GNG2: variants seen among roughly 807,000 people sequenced by gnomAD.
GNG2 encodes the protein guanine nucleotide-binding protein G(I)/G(S)/G(O) subunit gamma-2.
Under a neutral mutation model 5.5 loss-of-function variants are expected in GNG2, and 5 were observed. The ratio of observed to expected loss-of-function variants is 0.91; its 90% confidence interval spans 0.48 to 1.92. GNG2 has a LOEUF of 1.92. GNG2 is among the 30% of genes most tolerant of loss of function. The pLI, the probability that GNG2 is intolerant of heterozygous loss-of-function variation, is 0.01. For missense variants in GNG2, 55 were observed against 88.4 expected (o/e 0.62, Z 1.52); for synonymous variants, 28 against 32.0 (o/e 0.88, Z 0.42).
At chr14:51,830,196 C>T (rs1881143861) in intron 2 of GNG2, among the ~76,000 whole-genome samples, 1 of 152,222 alleles carries the variant, frequency 6.6e-6, no homozygotes, top group Admixed American at 6.5e-5. Flanking sequence ...TCCTAACTCT[C>T]CTGGGTTTCC....
intron 3 of GNG2, among the ~76,000 whole-genome samples, chr14:51,951,057 A>G (rs998063775): frequency 3.3e-5 from 5 of 152,018 alleles, no homozygotes; most frequent in African/African-American, 1.2e-4. Context: ...AAAATATATC[A>G]GCGCACTAGT....
chr14:51,857,783 C>T (rs944224143), upstream of GNG2, among the ~76,000 whole-genome samples: 1 of 152,060 alleles, frequency 6.6e-6, no homozygotes, highest in Non-Finnish European at 1.5e-5. Flanking sequence ...TCTTATATTC[C>T]TGATGTGGGC....
At chr14:51,852,024 G>A (rs1286402364) in intron 2 of GNG2, among the ~76,000 whole-genome samples, 1 of 104,186 alleles carries the variant, frequency 9.6e-6, no homozygotes, top group East Asian at 3.1e-4. Flanking sequence ...CTTTCTAGAT[G>A]TAAAAATTTA....
chr14:51,966,702 C>T lies in GNG2; in HGVS notation c.*15C>T, dbSNP rs80086966. 8,504 of 1,611,586 alleles carry T rather than the reference C, an allele frequency of 5.3e-3. 201 individuals carry two copies. The East Asian group carries it at 0.054, about 10-fold the overall frequency. ...CCATCCTTTAAGTCTTTGAGAGGGG[C>T]CTGAAGAGCCTCCGGGCTCCTGGGA... On this transcript the variant is annotated 3_prime_UTR_variant, in exon 4 of 4. Coordinates refer to ENST00000556766, the MANE Select transcript of GNG2 (RefSeq NM_053064.5).
At position 51,832,284 on chromosome 14, in the gene GNG2, GAAAAA is replaced by G. The variant is rs56909071; in HGVS notation, c.64+4485_64+4489del. On this transcript the variant is annotated intron_variant, in intron 2 of 3. Transcript: ENST00000553432. ...CAACAGTGAGACCCTGTTACAGGGAGAAAAAAAAAAAAGAAAAGAAAAAGATGGCA... is the reference window on the plus strand; with the variant it reads ...CAACAGTGAGACCCTGTTACAGGGAGAAAAAAAGAAAAGAAAAAGATGGCA... 3.1e-5 allele frequency among the ~76,000 whole-genome samples: 4 copies of G among 127,616 alleles called. No homozygotes were observed. In the East Asian group the frequency reaches 1.3e-3, roughly 41 times the overall value. The allele number at this position is 127,616 out of a possible 152,430, so 83.7% of individuals were successfully genotyped here.
At chr14:51,842,040 A>C (rs1347308821) in intron 2 of GNG2, among the ~76,000 whole-genome samples, 1 of 152,206 alleles carries the variant, frequency 6.6e-6, no homozygotes, top group Non-Finnish European at 1.5e-5. Context: ...TATTGTCAAG[A>C]GGGCCTCCTT....
At chr14:51,942,589 C>CTTTTTTTTTTTTTTTTTTTTTTT (rs56883654) in intron 2 of GNG2, among the ~76,000 whole-genome samples, 1 of 81,146 alleles carries the variant, frequency 1.2e-5, no homozygotes, top group African/African-American at 5.9e-5. Context: ...TTCTTTCTTT[C>CTTTTTTTTTTTTTTTTTTTTTTT]TTTTTTTTTT....
upstream of GNG2, among the ~76,000 whole-genome samples, chr14:51,855,739 A>G (rs574140444): frequency 3.3e-5 from 5 of 152,272 alleles, no homozygotes; most frequent in South Asian, 8.3e-4. Flanking sequence ...CAGCCCACAC[A>G]TGCACTCAAG....
intron 2 of GNG2, among the ~76,000 whole-genome samples, chr14:51,854,803 G>T (rs1882077915): frequency 6.6e-6 from 1 of 152,058 alleles, no homozygotes; most frequent in Non-Finnish European, 1.5e-5. Context: ...GTGAGCCACC[G>T]CACCCGGCCG....
intron 2 of GNG2, among the ~76,000 whole-genome samples, chr14:51,926,139 T>A (rs1410782137): frequency 6.6e-6 from 1 of 152,156 alleles, no homozygotes; most frequent in African/African-American, 2.4e-5. Flanking sequence ...CCACTTTAAT[T>A]TTTAAAGAAA....
Position 51,876,438 on chromosome 14 carries a change from G to A in GNG2, c.-70-1179G>A, listed in dbSNP as rs115083849. ...GACTGAGAACATATTTGGGTCCCTTGATAAACAGGACCAGACGGCTTTCCA... is the reference window on the plus strand; with the variant it reads ...GACTGAGAACATATTTGGGTCCCTTAATAAACAGGACCAGACGGCTTTCCA... On this transcript the variant is annotated intron_variant, in intron 1 of 3. Coordinates refer to ENST00000556766, the MANE Select transcript of GNG2 (RefSeq NM_053064.5). 6.2e-3 allele frequency among the ~76,000 whole-genome samples: 950 copies of A among 152,198 alleles called. 11 individuals are homozygous for A. The highest frequency in any genetic ancestry group is 0.022 in the African/African-American group (898 of 41,508).
chr14:51,936,039 C>G (rs1887982340), intron 2 of GNG2, among the ~76,000 whole-genome samples: 1 of 152,124 alleles, frequency 6.6e-6, no homozygotes, highest in South Asian at 2.1e-4. Context: ...ATCATCAAGC[C>G]CCATCCTGGA....
Position 51,968,599 on chromosome 14 carries a change from G to C in GNG2, c.*1912G>C, listed in dbSNP as rs922832491. 1.2e-4 allele frequency: 18 copies of C among 152,176 alleles called. No individual in the cohort carries two copies. The highest frequency in any genetic ancestry group is 4.3e-4 in the African/African-American group (18 of 41,512). 9.4% of individuals were successfully genotyped at this position (152,176 alleles called of 1,614,324 possible). A position where few individuals can be genotyped will look rare whatever the true frequency, so the allele number is the denominator to read the frequency against. On this transcript the variant is annotated 3_prime_UTR_variant, in exon 4 of 4. Transcript: ENST00000556766. ...CTTCTGTTCTTCTGTTCAAATTGTG[G>C]GGTTTTTGTTACAGTTAGGACGCCC...
intron 2 of GNG2, chr14:51,918,674 A>G (rs1219702118): frequency 1.3e-5 from 2 of 152,256 alleles, no homozygotes; most frequent in African/African-American, 4.8e-5. Context: ...TAGAAACTAA[A>G]GCAGATTTAT....
intron 3 of GNG2, 92 bp from the exon 4 acceptor site, chr14:51,966,467 G>T: frequency 9.0e-7 from 1 of 1,111,612 alleles, no homozygotes; most frequent in East Asian, 2.4e-5. Flanking sequence ...CATGGAGCAA[G>T]GATTTGATGC....
At chr14:51,867,397 C>A (rs145504324) in intron 1 of GNG2, among the ~76,000 whole-genome samples, 2 of 152,172 alleles carry the variant, frequency 1.3e-5, no homozygotes, top group African/African-American at 2.4e-5. Flanking sequence ...TCACCATCAC[C>A]TTTCCCACTC....
intron 2 of GNG2, among the ~76,000 whole-genome samples, chr14:51,854,588 C>A (rs573621991): frequency 6.6e-6 from 1 of 151,714 alleles, no homozygotes; most frequent in Non-Finnish European, 1.5e-5. Flanking sequence ...TGGCTCACTG[C>A]AACCTCCTCC....
At chr14:51,914,146 A>C in intron 2 of GNG2, 1 of 685,782 alleles carries the variant, frequency 1.5e-6, no homozygotes, top group Non-Finnish European at 2.7e-6. Context: ...TTTTTGGGGG[A>C]ATGGAGTCAT....
At chr14:51,898,606 G>A (rs143497736) in intron 2 of GNG2, among the ~76,000 whole-genome samples, 177 of 152,342 alleles carry the variant, frequency 1.2e-3, no homozygotes, top group African/African-American at 4.0e-3. Flanking sequence ...CAAAGGACCA[G>A]GGAAGGCTCT....
Sources: allele counts gnomAD v4.1 joint callset (sites outside exome capture counted in the v4.1 genomes callset), GRCh38; gene constraint gnomAD v4.1.1; transcripts MANE v1.5; gene names NCBI Gene and HGNC (gene_info 2026-07-23, HGNC 2026-07-21).